NMRK1: variants seen among roughly 807,000 people sequenced by gnomAD.
The protein encoded by NMRK1 is nicotinamide riboside kinase 1, also known as NRK 1.
Under a neutral mutation model 29.9 loss-of-function variants are expected in NMRK1, and 28 were observed. That is an observed-to-expected ratio of 0.94 (90% confidence interval 0.69 to 1.28). The LOEUF (loss-of-function observed/expected upper bound fraction) is 1.28. Among genes scored for constraint, NMRK1 ranks in the 50% most tolerant of loss-of-function variants. NMRK1 has a pLI of 0.00. For synonymous variants in NMRK1, 58 were observed against 73.0 expected (o/e 0.79, Z 1.05); for missense variants, 218 against 233.1 (o/e 0.94, Z 0.42).
At chr9:75,080,569 T>G (rs1824259659) in intron 2 of NMRK1, among the ~76,000 whole-genome samples, 1 of 152,136 alleles carries the variant, frequency 6.6e-6, no homozygotes, top group African/African-American at 2.4e-5. Flanking sequence ...GGAGAATCGC[T>G]TGAACCCAGG....
At chr9:75,076,417 G>T (rs1330458996) in intron 4 of NMRK1, among the ~76,000 whole-genome samples, 2 of 152,002 alleles carry the variant, frequency 1.3e-5, no homozygotes, top group East Asian at 1.9e-4. Context: ...GGTTACCAGA[G>T]ACCCGGAAGG....
At chr9:75,074,532 GC>G (rs1263995546) in intron 4 of NMRK1, among the ~76,000 whole-genome samples, 1 of 151,878 alleles carries the variant, frequency 6.6e-6, no homozygotes, top group African/African-American at 2.4e-5. Context: ...GACCACAGGT[GC>G]GCACCACCAC....
chr9:75,065,360 G>A (rs1823277457), intron 8 of NMRK1, among the ~76,000 whole-genome samples: 1 of 152,056 alleles, frequency 6.6e-6, no homozygotes, highest in South Asian at 2.1e-4. Flanking sequence ...AGTAGAGACG[G>A]GGTTTCACCA....
Position 75,069,938 on chromosome 9 carries a change from T to A in NMRK1, c.274A>T (p.Ile92Phe). 6.2e-7 allele frequency: 1 copy of A among 1,614,040 alleles called. No homozygotes were observed. The highest frequency in any genetic ancestry group is 8.5e-7 in the Non-Finnish European group (1 of 1,179,952). ...VSTDQESAEE[I>F]PILIIEGFLL... is the part of the protein sequence containing the mutation. ...AAACCTTCGATGATTAAAATGGGAA[T>A]TTCCTCAGCACTTTCCTGGTCTGTT... Residue 92 changes from isoleucine (I) to phenylalanine (F), a missense_variant, in exon 5 of 9, where the codon ATT becomes TTT. By Grantham distance (21) the Ile-to-Phe change is conservative (BLOSUM62 0). Coordinates refer to ENST00000361092, the MANE Select transcript of NMRK1 (RefSeq NM_017881.3).
At chr9:75,071,739 A>C (rs1330909857) in intron 4 of NMRK1, among the ~76,000 whole-genome samples, 3 of 152,160 alleles carry the variant, frequency 2.0e-5, no homozygotes, top group African/African-American at 7.2e-5. Context: ...CATTGTGAGA[A>C]GAGGGCGTCA....
intron 4 of NMRK1, among the ~76,000 whole-genome samples, chr9:75,071,323 T>C (rs1319897027): frequency 6.6e-6 from 1 of 152,256 alleles, no homozygotes; most frequent in Non-Finnish European, 1.5e-5. Flanking sequence ...TTTTTTCCAC[T>C]CTAAAATTTC....
At chr9:75,069,472 A>C (rs1443356319) in intron 6 of NMRK1, 2 of 488,696 alleles carry the variant, frequency 4.1e-6, no homozygotes, top group East Asian at 7.7e-5. Context: ...TTACATTAAA[A>C]TCCTAATCAC....
intron 7 of NMRK1, chr9:75,067,122 GAAGA>G (rs1242905789): frequency 1.4e-5 from 4 of 284,978 alleles, no homozygotes; most frequent in Non-Finnish European, 2.6e-5. Flanking sequence ...GAAAGAAACA[GAAGA>G]AAGAAAGTGG....
At chr9:75,073,967 GT>G (rs1478244824) in intron 4 of NMRK1, among the ~76,000 whole-genome samples, 6 of 152,186 alleles carry the variant, frequency 3.9e-5, no homozygotes, top group Non-Finnish European at 8.8e-5. Context: ...AGTTGCTAGA[GT>G]TATAACAGTT....
chr9:75,064,247 AG>A (rs1564123113), intron 8 of NMRK1, among the ~76,000 whole-genome samples: 1 of 152,194 alleles, frequency 6.6e-6, no homozygotes, highest in Non-Finnish European at 1.5e-5. Context: ...GCCAAACTCC[AG>A]TGTATCACTT....
chr9:75,064,837 GC>G (rs781682061), intron 8 of NMRK1, among the ~76,000 whole-genome samples: 4 of 152,192 alleles, frequency 2.6e-5, no homozygotes, highest in Non-Finnish European at 5.9e-5. Flanking sequence ...TCTTCTCTGA[GC>G]CAGCTGATGA....
chr9:75,080,264 A>G (rs1824240133), intron 2 of NMRK1, among the ~76,000 whole-genome samples: 1 of 152,172 alleles, frequency 6.6e-6, no homozygotes, highest in Non-Finnish European at 1.5e-5. Context: ...AAACTTTTTT[A>G]TGTTGTGGGA....
intron 8 of NMRK1, among the ~76,000 whole-genome samples, chr9:75,065,722 T>C (rs1823301194): frequency 6.6e-6 from 1 of 152,180 alleles, no homozygotes. Context: ...TCCCTGGCCA[T>C]AGTGATTGGT....
intron 1 of NMRK1, among the ~76,000 whole-genome samples, chr9:75,085,958 T>C (rs1293086578): frequency 1.3e-5 from 2 of 149,960 alleles, no homozygotes; most frequent in Non-Finnish European, 3.0e-5. Flanking sequence ...TAGCAATCCC[T>C]GAAGGCATTT....
intron 8 of NMRK1, among the ~76,000 whole-genome samples, chr9:75,063,510 A>T (rs1177791743): frequency 1.3e-5 from 2 of 152,160 alleles, no homozygotes; most frequent in Non-Finnish European, 2.9e-5. Context: ...TTTGCCTCAT[A>T]CTTTGGATTT....
chr9:75,065,146 C>T (rs879390234), intron 8 of NMRK1, among the ~76,000 whole-genome samples: 15 of 152,110 alleles, frequency 9.9e-5, no homozygotes, highest in South Asian at 2.1e-4. Flanking sequence ...ATTATAGGCA[C>T]GTGCCACTAT....
intron 8 of NMRK1, 98 bp from the exon 9 acceptor site, chr9:75,061,665 A>G: frequency 9.4e-7 from 1 of 1,062,900 alleles, no homozygotes; most frequent in Non-Finnish European, 1.4e-6. Flanking sequence ...TGTTTAAATT[A>G]GAGGGATTCT....
chr9:75,067,444 G>A (rs1259059823), intron 7 of NMRK1, among the ~76,000 whole-genome samples: 1 of 152,168 alleles, frequency 6.6e-6, no homozygotes, highest in Non-Finnish European at 1.5e-5. Flanking sequence ...TTAAAGGAAG[G>A]AAAGGGCCTT....
chr9:75,072,704 T>C (rs982502314), intron 4 of NMRK1, among the ~76,000 whole-genome samples: 2 of 152,190 alleles, frequency 1.3e-5, no homozygotes, highest in African/African-American at 2.4e-5. Flanking sequence ...GAAAAAAGGG[T>C]AATGCTTACT....
Sources: allele counts gnomAD v4.1 joint callset (sites outside exome capture counted in the v4.1 genomes callset), GRCh38; gene constraint gnomAD v4.1.1; transcripts MANE v1.5; gene names NCBI Gene and HGNC (gene_info 2026-07-23, HGNC 2026-07-21).